Variants in ZC3H12B observed in about 807,000 individuals in gnomAD.
The protein encoded by ZC3H12B is probable ribonuclease ZC3H12B.
In ZC3H12B, 7 loss-of-function variants were observed where a neutral mutation model predicts 43.9. That is an observed-to-expected ratio of 0.16 (90% CI 0.09 to 0.30). The LOEUF (loss-of-function observed/expected upper bound fraction) is 0.30, where lower values mean the gene tolerates loss of function less well. Ranked by LOEUF, ZC3H12B falls within the 10% of genes least tolerant of loss-of-function variation. The pLI, the probability that ZC3H12B is intolerant of heterozygous loss-of-function variation, is 1.00. For synonymous variants in ZC3H12B, 222 were observed against 241.7 expected (o/e 0.92, Z 0.76); for missense variants, 475 against 670.2 (o/e 0.71, Z 3.22).
At chrX:65,131,696 T>C in the ZC3H12B span, among the ~76,000 whole-genome samples, 1 of 111,159 alleles carries the variant, frequency 9.0e-6, no homozygotes. Context: ...AGGAAAGGAA[T>C]TGTTGTTTTG....
the ZC3H12B span, among the ~76,000 whole-genome samples, chrX:65,179,987 C>T: frequency 1.8e-5 from 2 of 111,885 alleles, no homozygotes; most frequent in Non-Finnish European, 3.8e-5. Context: ...AGAGGGACTT[C>T]TCCCTAACTT....
At chrX:65,195,095 CT>C in the ZC3H12B span, among the ~76,000 whole-genome samples, 12,830 of 87,325 alleles carry the variant, frequency 0.15, 2,072 homozygotes, top group African/African-American at 0.46. Context: ...ATCATTGGGT[CT>C]TTTTTTTTTT....
At chrX:65,475,557 C>T (rs1435626481) in intron 3 of ZC3H12B, among the ~76,000 whole-genome samples, 1 of 111,010 alleles carries the variant, frequency 9.0e-6, no homozygotes, top group African/African-American at 3.3e-5. Flanking sequence ...CAAAGATTCA[C>T]TTTTTTCTTG....
the ZC3H12B span, among the ~76,000 whole-genome samples, chrX:65,333,280 T>C: frequency 2.7e-5 from 3 of 112,076 alleles, no homozygotes; most frequent in Admixed American, 2.8e-4. Context: ...CAAAGCTTGG[T>C]AAAATAACCA....
At chrX:65,092,622 T>G in the ZC3H12B span, among the ~76,000 whole-genome samples, 2 of 111,513 alleles carry the variant, frequency 1.8e-5, no homozygotes, top group East Asian at 5.7e-4. Context: ...AATTTGAGCT[T>G]GGGAATGATG....
chrX:65,323,591 C>A, the ZC3H12B span, among the ~76,000 whole-genome samples: 1 of 112,174 alleles, frequency 8.9e-6, no homozygotes, highest in Non-Finnish European at 1.9e-5. Context: ...TCCAGTCTAC[C>A]ATTGAGGTGC....
At chrX:65,305,912 A>G in the ZC3H12B span, among the ~76,000 whole-genome samples, 1 of 112,019 alleles carries the variant, frequency 8.9e-6, no homozygotes, top group Non-Finnish European at 1.9e-5. Context: ...TTCCAATATT[A>G]TTTCTAAATC....
chrX:65,155,374 A>T, the ZC3H12B span, among the ~76,000 whole-genome samples: 2 of 111,204 alleles, frequency 1.8e-5, no homozygotes, highest in Non-Finnish European at 3.8e-5. Context: ...CTAATGTGAA[A>T]TACATTACCA....
the ZC3H12B span, among the ~76,000 whole-genome samples, chrX:65,159,802 G>C: frequency 3.6e-5 from 4 of 111,886 alleles, no homozygotes; most frequent in Admixed American, 2.9e-4. Context: ...ACACTATGTG[G>C]AAGAGGAGTG....
chrX:65,431,108 A>C (rs777543917), intron 3 of ZC3H12B, among the ~76,000 whole-genome samples: 1 of 112,690 alleles, frequency 8.9e-6, no homozygotes, highest in African/African-American at 3.2e-5. Context: ...ATATCTAAGC[A>C]TGAGCTTATT....
At chrX:65,324,041 G>A in the ZC3H12B span, among the ~76,000 whole-genome samples, 1 of 111,730 alleles carries the variant, frequency 9.0e-6, no homozygotes, top group Non-Finnish European at 1.9e-5. Flanking sequence ...TGATAAGGTT[G>A]TTTGTTTTTT....
the ZC3H12B span, among the ~76,000 whole-genome samples, chrX:65,317,257 A>T: frequency 1.3e-5 from 1 of 77,654 alleles, no homozygotes; most frequent in African/African-American, 4.5e-4. Context: ...CAACCAATTA[A>T]AAAAAAAAAA....
chrX:65,288,163 A>C, the ZC3H12B span, among the ~76,000 whole-genome samples: 2 of 110,770 alleles, frequency 1.8e-5, no homozygotes, highest in South Asian at 3.8e-4. Flanking sequence ...TTTACTTAAT[A>C]ATAAAATGTC....
chrX:65,220,665 A>T, the ZC3H12B span, among the ~76,000 whole-genome samples: 6 of 112,123 alleles, frequency 5.4e-5, no homozygotes, highest in Non-Finnish European at 9.4e-5. Flanking sequence ...TCCTAAATAT[A>T]TATGCACCTA....
At chrX:65,155,048 T>G in the ZC3H12B span, among the ~76,000 whole-genome samples, 8 of 108,873 alleles carry the variant, frequency 7.3e-5, no homozygotes, top group Admixed American at 5.9e-4. Flanking sequence ...ATCTGCCTCC[T>G]AAGCTCAAGC....
At chrX:65,220,293 GA>G in the ZC3H12B span, among the ~76,000 whole-genome samples, 8 of 111,134 alleles carry the variant, frequency 7.2e-5, no homozygotes, top group Non-Finnish European at 1.5e-4. Context: ...ACTACACAAT[GA>G]AAAAAACCCA....
the ZC3H12B span, among the ~76,000 whole-genome samples, chrX:65,189,847 G>T: frequency 1.4e-4 from 15 of 110,123 alleles, no homozygotes; most frequent in Admixed American, 5.8e-4. Context: ...ATTGCTTTTG[G>T]TGTTTTGGAC....
chrX:65,229,624 C>T, the ZC3H12B span, among the ~76,000 whole-genome samples: 2 of 106,247 alleles, frequency 1.9e-5, no homozygotes, highest in Non-Finnish European at 3.9e-5. Context: ...AAAATTTTCG[C>T]AACCTACTCA....
the ZC3H12B span, among the ~76,000 whole-genome samples, chrX:65,052,267 C>A: frequency 9.0e-6 from 1 of 111,039 alleles, no homozygotes; most frequent in Non-Finnish European, 1.9e-5. Flanking sequence ...AAAATCACAT[C>A]ATGGAGAATA....
Sources: gnomAD v4.1 joint callset for allele counts (sites outside exome capture counted in the v4.1 genomes callset) on GRCh38, gnomAD v4.1.1 for gene constraint, MANE v1.5 for transcripts, NCBI Gene and HGNC (gene_info 2026-07-23, HGNC 2026-07-21) for gene names.